The following TGFBRAP1 variants were observed in gnomAD, a reference collection of about 807,000 sequenced individuals.
The protein encoded by TGFBRAP1 is transforming growth factor-beta receptor-associated protein 1.
In TGFBRAP1, 20 loss-of-function variants were observed where a neutral mutation model predicts 83.2. That is an observed-to-expected ratio of 0.24 (90% confidence interval 0.17 to 0.35). TGFBRAP1 has a LOEUF of 0.35. Ranked by LOEUF, TGFBRAP1 falls within the 10% of genes least tolerant of loss-of-function variation. The pLI, the probability that TGFBRAP1 is intolerant of heterozygous loss-of-function variation, is 1.00. For missense variants in TGFBRAP1, 950 were observed against 1,099.4 expected (o/e 0.86, Z 1.92); for synonymous variants, 415 against 459.8 (o/e 0.90, Z 1.25).
chr2:105,277,955 G>T (rs1201283020), intron 6 of TGFBRAP1, among the ~76,000 whole-genome samples: 3 of 152,138 alleles, frequency 2.0e-5, no homozygotes, highest in African/African-American at 7.2e-5. Context: ...GATACTTGGG[G>T]TGCTGAGGTA....
At chr2:105,294,536 A>C (rs1205192209) in intron 4 of TGFBRAP1, among the ~76,000 whole-genome samples, 1 of 152,238 alleles carries the variant, frequency 6.6e-6, no homozygotes, top group Non-Finnish European at 1.5e-5. Context: ...GGCAAAAGTG[A>C]GCATGGTCTG....
At chr2:105,323,331 G>T (rs867572319) in intron 1 of TGFBRAP1, among the ~76,000 whole-genome samples, 10 of 152,136 alleles carry the variant, frequency 6.6e-5, no homozygotes, top group Non-Finnish European at 4.4e-5. Flanking sequence ...AACAGCGTGG[G>T]CAGCTGCCAA....
At chr2:105,316,467 G>GCGCGCGCGCGCGCGCGCGCC (rs1558654643) in intron 1 of TGFBRAP1, among the ~76,000 whole-genome samples, 3 of 58,250 alleles carry the variant, frequency 5.2e-5, no homozygotes, top group African/African-American at 1.8e-4. Flanking sequence ...GTGTGTGCGC[G>GCGCGCGCGCGCGCGCGCGCC]CGCGCGCGCG....
At chr2:105,313,100 G>A (rs1678745242) in intron 1 of TGFBRAP1, among the ~76,000 whole-genome samples, 2 of 152,018 alleles carry the variant, frequency 1.3e-5, no homozygotes, top group African/African-American at 2.4e-5. Flanking sequence ...CAACAAGAGT[G>A]AAACTCTGTC....
At chr2:105,254,042 A>G in the TGFBRAP1 span, among the ~76,000 whole-genome samples, 8 of 147,882 alleles carry the variant, frequency 5.4e-5, no homozygotes, top group South Asian at 8.4e-4. Context: ...AAGGCTTCCT[A>G]TTTTGGATAT....
intron 3 of TGFBRAP1, 68 bp downstream of exon 3, chr2:105,298,443 A>T: frequency 6.7e-7 from 1 of 1,496,260 alleles, no homozygotes; most frequent in Admixed American, 2.1e-5. Flanking sequence ...TTCCTAAATG[A>T]TATTTACCGA....
intron 11 of TGFBRAP1, 98 bp from the exon 12 acceptor site, chr2:105,267,657 G>A (rs1310926535): frequency 1.3e-6 from 2 of 1,534,450 alleles, no homozygotes; most frequent in East Asian, 4.5e-5. Context: ...ATTACTCCAT[G>A]GGTTATTATT....
In TGFBRAP1 at chr2:105,316,142, G is replaced by A. The variant is rs556890817; in HGVS notation, c.-17-7824C>T. On this transcript the variant is annotated intron_variant, in intron 1 of 11. Transcript: ENST00000393359. ...AAAGTAGGCCACGCTAATCTATAGC[G>A]ACAGAAATCAGAACAGTGTTTACTT... Among the ~76,000 whole-genome samples the A allele has an allele frequency of 5.3e-5, 8 of 152,242 alleles. No individual in the cohort carries two copies. In the South Asian group the frequency reaches 8.3e-4, roughly 16 times the overall value.
chr2:105,277,115 G>T (rs886739563), intron 7 of TGFBRAP1, among the ~76,000 whole-genome samples: 11 of 152,298 alleles, frequency 7.2e-5, no homozygotes, highest in African/African-American at 2.6e-4. Flanking sequence ...CAGGACCCCT[G>T]CCAGGCCAAT....
intron 4 of TGFBRAP1, among the ~76,000 whole-genome samples, chr2:105,290,067 T>G (rs1034689530): frequency 1.3e-5 from 2 of 152,220 alleles, no homozygotes; most frequent in Non-Finnish European, 2.9e-5. Flanking sequence ...CAATTCTTTT[T>G]TTGTTGTTGT....
At chr2:105,293,504 A>T (rs1677983036) in intron 4 of TGFBRAP1, among the ~76,000 whole-genome samples, 1 of 152,178 alleles carries the variant, frequency 6.6e-6, no homozygotes, top group African/African-American at 2.4e-5. Flanking sequence ...AAGGGAAAGG[A>T]GTGCAATGGT....
intron 1 of TGFBRAP1, among the ~76,000 whole-genome samples, chr2:105,313,848 ATAAAT>A (rs569382931): frequency 1.1e-4 from 17 of 151,966 alleles, no homozygotes; most frequent in African/African-American, 2.9e-4. Flanking sequence ...AAATAAATTA[ATAAAT>A]TAAATTAAAT....
At chr2:105,261,883 T>G (rs565437742), downstream of TGFBRAP1, among the ~76,000 whole-genome samples, 82 of 151,996 alleles carry the variant, frequency 5.4e-4, no homozygotes, top group Middle Eastern at 3.4e-3. Flanking sequence ...GATTGAGGAG[T>G]AGAGTGGGCT....
At chr2:105,249,876 A>G in the TGFBRAP1 span, 3 of 152,314 alleles carry the variant, frequency 2.0e-5, no homozygotes, top group East Asian at 5.8e-4. Flanking sequence ...AGGGCTTGGG[A>G]ACCCTCACTG....
intron 9 of TGFBRAP1, 129 bp downstream of exon 9, chr2:105,273,415 A>C: frequency 7.6e-7 from 1 of 1,308,798 alleles, no homozygotes; most frequent in South Asian, 1.5e-5. Context: ...GGCCGCCATC[A>C]GACCATCAAC....
chr2:105,316,288 G>C (rs1229094315), intron 1 of TGFBRAP1, among the ~76,000 whole-genome samples: 1 of 151,284 alleles, frequency 6.6e-6, no homozygotes, highest in African/African-American at 2.4e-5. Context: ...AAATTCATTG[G>C]CTTGTGCCTT....
At chr2:105,259,624 T>C (rs574001131), downstream of TGFBRAP1, among the ~76,000 whole-genome samples, 15 of 152,282 alleles carry the variant, frequency 9.9e-5, 2 homozygotes, top group South Asian at 3.1e-3. Flanking sequence ...ATGGAAAATG[T>C]GCAAACCTTC....
rs569027747 is a variant in TGFBRAP1 at position 105,273,097 on chromosome 2, G to A, written c.1813-83C>T. The A allele has an allele frequency of 7.8e-6, 12 of 1,536,052 alleles. No homozygotes were observed. In the East Asian group the frequency reaches 2.5e-4, roughly 32 times the overall value. ...AGCTCTCCCCTGTCAGCCAGGGCTTGGAGACCGCGGCTGCACTGACATGAG... is the reference window on the plus strand; with the variant it reads ...AGCTCTCCCCTGTCAGCCAGGGCTTAGAGACCGCGGCTGCACTGACATGAG... On this transcript the variant is annotated intron_variant, in intron 9 of 11. Coordinates refer to ENST00000393359, the MANE Select transcript of TGFBRAP1 (RefSeq NM_004257.6).
intron 7 of TGFBRAP1, among the ~76,000 whole-genome samples, chr2:105,276,351 T>C (rs940614367): frequency 1.3e-5 from 2 of 152,166 alleles, no homozygotes; most frequent in Non-Finnish European, 2.9e-5. Context: ...AGGATGACGG[T>C]TGCGTGGGTT....
Sources: gnomAD v4.1 joint callset for allele counts (sites outside exome capture counted in the v4.1 genomes callset) on GRCh38, gnomAD v4.1.1 for gene constraint, MANE v1.5 for transcripts, NCBI Gene and HGNC (gene_info 2026-07-23, HGNC 2026-07-21) for gene names.